AGAP1: variants seen among roughly 807,000 people sequenced by gnomAD.
AGAP1 encodes the protein ArfGAP with GTPase domain, ankyrin repeat and PH domain 1, also known as arf-GAP with GTPase, ANK repeat and PH domain-containing protein 1.
AGAP1 carries 29 observed loss-of-function variants against 105.3 expected under a neutral mutation model. The ratio of observed to expected loss-of-function variants is 0.28; its 90% confidence interval spans 0.21 to 0.38. The LOEUF (loss-of-function observed/expected upper bound fraction) is 0.38, where lower values mean the gene tolerates loss of function less well. Among genes scored for constraint, AGAP1 ranks in the 10% least tolerant of loss-of-function variants. AGAP1 has a pLI of 1.00. For missense variants in AGAP1, 998 were observed against 1,165.1 expected, an observed-to-expected ratio of 0.86 and a Z score of 2.09; for synonymous variants, 509 against 485.9, an observed-to-expected ratio of 1.05 and a Z score of -0.63.
intron 12 of AGAP1, among the ~76,000 whole-genome samples, chr2:235,955,669 T>G (rs755660576): frequency 2.6e-5 from 4 of 152,204 alleles, no homozygotes; most frequent in Non-Finnish European, 1.5e-5. Context: ...GGATGATATC[T>G]CACAACCAAA....
rs531093572 is a variant in AGAP1, at chr2:235,509,327, TG to T, written c.163+14481del. Among the ~76,000 whole-genome samples, 542 of 152,188 alleles carry T rather than the reference TG, an allele frequency of 3.6e-3. 1 individual carries two copies. The highest frequency in any genetic ancestry group is 6.1e-3 in the Non-Finnish European group (418 of 67,982). ...CTGTAACCTCTGCCTCCCAGGTTCCTGGGTTCAAGCAATTCTCCTTCCTCAG... is the reference window on the plus strand; with the variant it reads ...CTGTAACCTCTGCCTCCCAGGTTCCTGGTTCAAGCAATTCTCCTTCCTCAG... On this transcript the variant is annotated intron_variant, in intron 1 of 17. Coordinates refer to ENST00000304032, the MANE Select transcript of AGAP1 (RefSeq NM_001037131.3).
At position 235,690,847 on chromosome 2, in the gene AGAP1, G is replaced by A. The variant is rs183150158; in HGVS notation, c.164-18332G>A. On this transcript the variant is annotated intron_variant, in intron 1 of 17. Coordinates refer to ENST00000304032, the MANE Select transcript of AGAP1 (RefSeq NM_001037131.3). The surrounding 1 kb of genome is among the most constrained non-coding windows in gnomAD (Gnocchi z 4.1). ...CCAGTCTAGTCATAGTATTGGTTTC[G>A]AGAAGTCAAAATCAATGTTTTATTT... Among the ~76,000 whole-genome samples, 97 of 152,178 alleles carry A rather than the reference G, an allele frequency of 6.4e-4. No individual in the cohort carries two copies. The highest frequency in any genetic ancestry group is 1.2e-3 in the East Asian group (6 of 5,174).
At position 236,096,888 on chromosome 2, in the gene AGAP1, C is replaced by T. The variant is rs1218629299; in HGVS notation, c.2115-23304C>T. Reference sequence around the variant, plus strand: ...AGCCACCCTGCCGGGCCAAATGATGCACTTTTAAACTGAAGTTTCATCCTT... The same window carrying T: ...AGCCACCCTGCCGGGCCAAATGATGTACTTTTAAACTGAAGTTTCATCCTT... On this transcript the variant is annotated intron_variant, in intron 16 of 17. Transcript: ENST00000304032. This position sits in a 1 kb window ranked among gnomAD's most constrained non-coding sequence, Gnocchi z 4.4. 1.3e-5 allele frequency among the ~76,000 whole-genome samples: 2 copies of T among 152,138 alleles called. No homozygotes were observed. The highest frequency in any genetic ancestry group is 4.8e-5 in the African/African-American group (2 of 41,438).
intron 1 of AGAP1, among the ~76,000 whole-genome samples, chr2:235,573,114 T>C (rs947430340): frequency 4.7e-5 from 7 of 149,900 alleles, no homozygotes; most frequent in African/African-American, 1.2e-4. Flanking sequence ...CCTTTTTTTT[T>C]TTTTTAAAGA....
chr2:235,833,859 T>G (rs1180713411), intron 9 of AGAP1, among the ~76,000 whole-genome samples: 1 of 151,308 alleles, frequency 6.6e-6, no homozygotes, highest in African/African-American at 2.4e-5. Context: ...AATCTGGTTT[T>G]TTTTTTTTTT....
chr2:235,522,435 T>A (rs988074650), intron 1 of AGAP1, among the ~76,000 whole-genome samples: 1 of 151,952 alleles, frequency 6.6e-6, no homozygotes, highest in Non-Finnish European at 1.5e-5. Context: ...ACCAATCTCA[T>A]GGTTCATAGG....
chr2:235,850,743 G>C (rs2048406380), intron 9 of AGAP1, among the ~76,000 whole-genome samples: 1 of 152,176 alleles, frequency 6.6e-6, no homozygotes, highest in African/African-American at 2.4e-5. Flanking sequence ...CCCATCATTG[G>C]GGGTGGTGAC....
In AGAP1 at chr2:236,101,797, C is replaced by T. The variant is rs543886127; in HGVS notation, c.2115-18395C>T. 4.4e-4 allele frequency among the ~76,000 whole-genome samples: 67 copies of T among 152,346 alleles called. No homozygotes were observed. The highest frequency in any genetic ancestry group is 1.4e-3 in the African/African-American group (57 of 41,584). ...CGCGGAGTCTAGGACGGCCTCACCC[C>T]GCTGGCTCGGGCTCCCTCTCACTGG... On this transcript the variant is annotated intron_variant, in intron 16 of 17. Coordinates refer to ENST00000304032, the MANE Select transcript of AGAP1 (RefSeq NM_001037131.3). The surrounding 1 kb of genome is among the most constrained non-coding windows in gnomAD (Gnocchi z 4.9).
intron 1 of AGAP1, among the ~76,000 whole-genome samples, chr2:235,499,068 G>T (rs1022338403): frequency 6.6e-6 from 1 of 152,178 alleles, no homozygotes; most frequent in Non-Finnish European, 1.5e-5. Flanking sequence ...GTCCTGCAGC[G>T]ATCTTGTACA....
In AGAP1 at chr2:235,621,269, A is replaced by T. The variant is rs1946469123; in HGVS notation, c.164-87910A>T. Among the ~76,000 whole-genome samples, 1 of 152,040 alleles carries T rather than the reference A, an allele frequency of 6.6e-6. No homozygotes were observed. The highest frequency in any genetic ancestry group is 2.4e-5 in the African/African-American group (1 of 41,400). ...ACTCCTGACCTCTGGTGATCCGCCCACCTCGGCCTCCCAAAGTGCTAGGAT... is the reference window on the plus strand; with the variant it reads ...ACTCCTGACCTCTGGTGATCCGCCCTCCTCGGCCTCCCAAAGTGCTAGGAT... On this transcript the variant is annotated intron_variant, in intron 1 of 17. Coordinates refer to ENST00000304032, the MANE Select transcript of AGAP1 (RefSeq NM_001037131.3). The surrounding 1 kb of genome is among the most constrained non-coding windows in gnomAD (Gnocchi z 4.1).
chr2:235,515,473 C>T lies in AGAP1; in HGVS notation c.163+20624C>T, dbSNP rs1015903272. ...GAAAAGGTTCTCTGAAAGACAGGGG[C>T]GTAGATACTGAGCTGGCAATAACAG... is the stretch of plus-strand genomic sequence containing the variant. On this transcript the variant is annotated intron_variant, in intron 1 of 17. Coordinates refer to ENST00000304032, the MANE Select transcript of AGAP1 (RefSeq NM_001037131.3). Among the ~76,000 whole-genome samples, 5 of 152,262 alleles carry T rather than the reference C, an allele frequency of 3.3e-5. No homozygotes were observed. In the South Asian group the frequency reaches 6.2e-4, roughly 19 times the overall value.
chr2:236,017,456 T>A (rs1445372291), intron 13 of AGAP1, among the ~76,000 whole-genome samples: 1 of 124,060 alleles, frequency 8.1e-6, no homozygotes, highest in African/African-American at 3.6e-5. Context: ...TAACTTTTGT[T>A]TTAACCTCAC....
chr2:235,770,276 A>T (rs115328476), intron 6 of AGAP1, among the ~76,000 whole-genome samples: 4,684 of 140,934 alleles, frequency 0.033, 240 homozygotes, highest in African/African-American at 0.11. Flanking sequence ...GGGACTACAG[A>T]CGCACGCCAC....
At chr2:235,758,457 C>T (rs992450982) in intron 6 of AGAP1, among the ~76,000 whole-genome samples, 8 of 152,088 alleles carry the variant, frequency 5.3e-5, no homozygotes, top group Non-Finnish European at 1.2e-4. Flanking sequence ...CATCATTTCC[C>T]GTTTCTACCT....
At position 235,981,291 on chromosome 2, in the gene AGAP1, T is replaced by G. The variant is rs372292340; in HGVS notation, c.1645+12668T>G. On this transcript the variant is annotated intron_variant, in intron 13 of 17. Transcript: ENST00000304032. This position sits in a 1 kb window ranked among gnomAD's most constrained non-coding sequence, Gnocchi z 5.5. The stretch of plus-strand genomic sequence containing the variant: ...TTAAATAAATAGGTAGCTTTGTTCT[T>G]TGGCTTGATTATTCATTTGGGTCTT... Among the ~76,000 whole-genome samples the G allele has an allele frequency of 4.3e-4, 65 of 152,274 alleles. No individual in the cohort carries two copies. The East Asian group carries it at 0.011, about 26-fold the overall frequency.
chr2:235,521,742 A>ATGTATGTGTGTG (rs750369759), intron 1 of AGAP1, among the ~76,000 whole-genome samples: 293 of 121,604 alleles, frequency 2.4e-3, no homozygotes, highest in Middle Eastern at 5.4e-3. Flanking sequence ...TGTTATATAT[A>ATGTATGTGTGTG]TGTGTGTGTG....
chr2:235,648,488 C>T (rs1947466211), intron 1 of AGAP1, among the ~76,000 whole-genome samples: 1 of 152,138 alleles, frequency 6.6e-6, no homozygotes, highest in Non-Finnish European at 1.5e-5. Flanking sequence ...GGTTACCTTT[C>T]CCTCTCTGTT....
chr2:235,496,231 C>G (rs570857107), intron 1 of AGAP1, among the ~76,000 whole-genome samples: 37 of 152,310 alleles, frequency 2.4e-4, no homozygotes, highest in Non-Finnish European at 5.3e-4. Flanking sequence ...CTTGTTAATT[C>G]CAGGGGAGGA....
Position 235,571,999 on chromosome 2 carries a change from CACACTT to C in AGAP1, c.163+77151_163+77156del, listed in dbSNP as rs1379477496. Among the ~76,000 whole-genome samples, 14 of 120,102 alleles carry C rather than the reference CACACTT, an allele frequency of 1.2e-4. No homozygotes were observed. The South Asian group carries it at 2.0e-3, about 17-fold the overall frequency. 78.8% of individuals were successfully genotyped at this position (120,102 alleles called of 152,430 possible). A position where few individuals can be genotyped will look rare whatever the true frequency, so the allele number is the denominator to read the frequency against. On this transcript the variant is annotated intron_variant, in intron 1 of 17. Coordinates refer to ENST00000304032, the MANE Select transcript of AGAP1 (RefSeq NM_001037131.3). ...ATACACACACACACACACACACACACACACTTTTTTTTTTTTTTTTTGAAGCAGCTC... is the reference window on the plus strand; with the variant it reads ...ATACACACACACACACACACACACACTTTTTTTTTTTTTTTGAAGCAGCTC...
Sources: gnomAD v4.1 joint callset for allele counts (sites outside exome capture counted in the v4.1 genomes callset) on GRCh38, gnomAD v4.1.1 for gene constraint, Gnocchi (gnomAD v3.1) non-coding constraint, MANE v1.5 for transcripts, NCBI Gene and HGNC (gene_info 2026-07-23, HGNC 2026-07-21) for gene names.